MTA3: variants seen among roughly 807,000 people sequenced by gnomAD.
MTA3 encodes metastasis-associated protein MTA3.
In MTA3, 34 loss-of-function variants were observed where a neutral mutation model predicts 83.5. That is an observed-to-expected ratio of 0.41 (90% CI 0.31 to 0.54). The LOEUF is 0.54. Among genes scored for constraint, MTA3 ranks in the 20% least tolerant of loss-of-function variants. The probability of loss-of-function intolerance (pLI) is 0.33; values close to 1 mark genes in which losing one functional copy is unlikely to be tolerated. For synonymous variants in MTA3, 303 were observed against 252.7 expected (o/e 1.20, Z -1.89); for missense variants, 761 against 726.4 (o/e 1.05, Z -0.55).
intron 13 of MTA3, among the ~76,000 whole-genome samples, 165 bp downstream of exon 13, chr2:42,708,219 G>T (rs1348519239): frequency 6.6e-6 from 1 of 152,194 alleles, no homozygotes; most frequent in Non-Finnish European, 1.5e-5. Context: ...GAAGCAGAGA[G>T]AAATTAAATT....
intron 3 of MTA3, among the ~76,000 whole-genome samples, chr2:42,579,869 A>T (rs1255824989): frequency 6.6e-6 from 1 of 152,020 alleles, no homozygotes; most frequent in Non-Finnish European, 1.5e-5. Flanking sequence ...TTTTGTGAGG[A>T]TACAGATAGG....
chr2:42,553,988 C>T (rs1677259206), intron 2 of MTA3, among the ~76,000 whole-genome samples: 1 of 151,160 alleles, frequency 6.6e-6, no homozygotes, highest in Non-Finnish European at 1.5e-5. Context: ...AATCCCAGCA[C>T]TTTGGGAGGC....
chr2:42,678,455 A>G (rs1691580031), intron 8 of MTA3, among the ~76,000 whole-genome samples: 1 of 152,010 alleles, frequency 6.6e-6, no homozygotes, highest in South Asian at 2.1e-4. Context: ...CTCCTGCCTC[A>G]GCCTCTTGAG....
In MTA3 at chr2:42,755,695, G is replaced by A. The variant is rs772367366; in HGVS notation, c.*2296G>A. ...GCCTTTGCCGTTGGAAGCATTTGGTGCTGAGAGGGTTTCCCAGCCACCCGC... is the reference window on the plus strand; with the variant it reads ...GCCTTTGCCGTTGGAAGCATTTGGTACTGAGAGGGTTTCCCAGCCACCCGC... On this transcript the variant is annotated 3_prime_UTR_variant, in exon 17 of 17. Coordinates refer to ENST00000405094, the MANE Select transcript of MTA3 (RefSeq NM_001330442.2). The A allele has an allele frequency of 1.0e-6, 1 of 985,574 alleles. No individual in the cohort carries two copies. The highest frequency in any genetic ancestry group is 1.2e-6 in the Non-Finnish European group (1 of 830,024). 61.1% of individuals were successfully genotyped at this position (985,574 alleles called of 1,614,324 possible).
intron 4 of MTA3, among the ~76,000 whole-genome samples, chr2:42,630,728 G>A (rs1428908185): frequency 2.0e-5 from 3 of 152,108 alleles, no homozygotes; most frequent in Non-Finnish European, 4.4e-5. Flanking sequence ...GGACATTTTA[G>A]TTGTGTGATT....
chr2:42,505,006 G>C (rs561414500), intron 2 of MTA3, among the ~76,000 whole-genome samples: 2 of 152,116 alleles, frequency 1.3e-5, no homozygotes, highest in East Asian at 3.9e-4. Context: ...CTGTACGATG[G>C]CTAAGCCCTT....
chr2:42,594,726 A>ATTTTTTTTT lies in MTA3; in HGVS notation c.191-14731_191-14730insTTTTTTTTT, dbSNP rs1303482913. ...TATACATATATATATATATATATAT[A>ATTTTTTTTT]TATTTTTTTTTTTTTTTTGAGACAG... On this transcript the variant is annotated intron_variant, in intron 3 of 16. Coordinates refer to ENST00000405094, the MANE Select transcript of MTA3 (RefSeq NM_001330442.2). Among the ~76,000 whole-genome samples the ATTTTTTTTT allele has an allele frequency of 2.0e-3, 60 of 29,354 alleles. 1 individual carries two copies. Among genetic ancestry groups the ATTTTTTTTT allele is most frequent in the African/African-American group, 0.014 (52 of 3,790 alleles). The allele number at this position is 29,354 out of a possible 152,430, so 19.3% of individuals were successfully genotyped here.
At chr2:42,560,254 T>C (rs1205020290) in intron 2 of MTA3, among the ~76,000 whole-genome samples, 1 of 147,872 alleles carries the variant, frequency 6.8e-6, no homozygotes, top group Non-Finnish European at 1.5e-5. Context: ...ACTCCTGACC[T>C]GAGGTGATCT....
intron 2 of MTA3, among the ~76,000 whole-genome samples, chr2:42,576,648 C>T (rs191121519): frequency 1.1e-4 from 16 of 152,196 alleles, no homozygotes; most frequent in Admixed American, 3.3e-4. Context: ...CGCCTGTAAT[C>T]CCAGGACTTC....
In MTA3 at chr2:42,711,931, G is replaced by A. The variant is rs146215782; in HGVS notation, c.1525+2835G>A. ...ATGTACTTTCAGATAAGGCTGAAGTGTGTTATTCTCAAAATATTGATGGAT... is the reference window on the plus strand; with the variant it reads ...ATGTACTTTCAGATAAGGCTGAAGTATGTTATTCTCAAAATATTGATGGAT... On this transcript the variant is annotated intron_variant, in intron 14 of 16. Transcript: ENST00000405094. Among the ~76,000 whole-genome samples, 4 of 152,092 alleles carry A rather than the reference G, an allele frequency of 2.6e-5. No individual in the cohort carries two copies. In the South Asian group the frequency reaches 6.2e-4, roughly 24 times the overall value.
rs368512682 is a variant in MTA3 at position 42,679,453 on chromosome 2, C to G, written c.703-2948C>G. On this transcript the variant is annotated intron_variant, in intron 8 of 16. Transcript: ENST00000405094. ...TGTGCAACTAGGCTTCACTAAAGCACAGAGTGAAGCAAGGAAAGATGATCA... is the reference window on the plus strand; with the variant it reads ...TGTGCAACTAGGCTTCACTAAAGCAGAGAGTGAAGCAAGGAAAGATGATCA... Among the ~76,000 whole-genome samples, 35 of 152,138 alleles carry G rather than the reference C, an allele frequency of 2.3e-4. 2 individuals are homozygous for G. Among genetic ancestry groups the G allele is most frequent in the Admixed American group, 1.8e-3 (28 of 15,270 alleles).
At position 42,525,422 on chromosome 2, in the gene MTA3, A is replaced by T. The variant is rs367870788; in HGVS notation, c.-141+30168A>T. 7.4e-5 allele frequency among the ~76,000 whole-genome samples: 11 copies of T among 149,504 alleles called. No individual in the cohort carries two copies. In the East Asian group the frequency reaches 2.2e-3, roughly 30 times the overall value. The stretch of plus-strand genomic sequence containing the variant: ...ACCGTGTTGCCCAGGTTGGTCTTGC[A>T]CTCCTGAGCTCAGGCAATCTGCCCG... On this transcript the variant is annotated intron_variant, in intron 2 of 17. Transcript: ENST00000405592.
rs112232508 is a variant in MTA3, at chr2:42,733,604, T to G, written c.1759+10569T>G. ...ATACATTTTTAAATTTCCTTCTTAA[T>G]GTTTTCATCGACCCACTGGTCATTC... On this transcript the variant is annotated intron_variant, in intron 16 of 16. Coordinates refer to ENST00000405094, the MANE Select transcript of MTA3 (RefSeq NM_001330442.2). 1.9e-3 allele frequency among the ~76,000 whole-genome samples: 291 copies of G among 152,382 alleles called. 1 individual carries two copies. The highest frequency in any genetic ancestry group is 6.8e-3 in the African/African-American group (282 of 41,594).
In MTA3 at chr2:42,708,050, C is replaced by T. The variant is rs1162055409; in HGVS notation, c.1298C>T (p.Thr433Ile). ...EEEKLSPSPT[T>I]EDPRVRSHVS... ...GAGAAGTTATCTCCTAGCCCAACTA[C>T]AGAGGTACAGTAGTCTTTTTAGTGT... The change falls in exon 13 of 17, where the codon ACA becomes ATA. Residue 433 changes from threonine to isoleucine, a missense_variant. Coordinates refer to ENST00000405094, the MANE Select transcript of MTA3 (RefSeq NM_001330442.2). 1.9e-6 allele frequency: 3 copies of T among 1,604,426 alleles called. No individual in the cohort carries two copies. Among genetic ancestry groups the T allele is most frequent in the African/African-American group, 1.3e-5 (1 of 74,314 alleles).
At chr2:42,624,996 TAC>T (rs1421195700) in intron 4 of MTA3, among the ~76,000 whole-genome samples, 2 of 152,224 alleles carry the variant, frequency 1.3e-5, no homozygotes, top group African/African-American at 4.8e-5. Context: ...GGATATTTGA[TAC>T]ACCATTGTAA....
intron 16 of MTA3, among the ~76,000 whole-genome samples, chr2:42,738,054 G>A (rs1019703056): frequency 3.3e-5 from 5 of 152,196 alleles, no homozygotes; most frequent in African/African-American, 4.8e-5. Flanking sequence ...TTGAGCCTAG[G>A]AGTTTGAGAT....
chr2:42,629,228 C>G (rs539215638), intron 4 of MTA3, among the ~76,000 whole-genome samples: 42 of 151,938 alleles, frequency 2.8e-4, no homozygotes, highest in African/African-American at 9.9e-4. Flanking sequence ...TACAGGTGCA[C>G]GCCACTATGC....
chr2:42,663,028 C>T (rs1689877930), intron 8 of MTA3, among the ~76,000 whole-genome samples: 1 of 152,148 alleles, frequency 6.6e-6, no homozygotes, highest in South Asian at 2.1e-4. Context: ...CTGTGCCTGG[C>T]CGGATAAAAA....
chr2:42,649,224 C>A (rs773113028), intron 6 of MTA3, among the ~76,000 whole-genome samples: 1 of 152,044 alleles, frequency 6.6e-6, no homozygotes, highest in Non-Finnish European at 1.5e-5. Flanking sequence ...GGTGAAACCC[C>A]ATCTCTACTA....
Sources: allele counts gnomAD v4.1 joint callset (sites outside exome capture counted in the v4.1 genomes callset), GRCh38; gene constraint gnomAD v4.1.1; transcripts MANE v1.5; gene names NCBI Gene and HGNC (gene_info 2026-07-23, HGNC 2026-07-21).